The following HDGFL2 variants were observed in gnomAD, a reference collection of about 807,000 sequenced individuals.
HDGFL2 encodes HDGF like 2.
HDGFL2 carries 36 observed loss-of-function variants against 77.1 expected under a neutral mutation model. The observed-to-expected ratio is 0.47, with a 90% CI of 0.36 to 0.62. The LOEUF is 0.62. Among genes scored for constraint, HDGFL2 ranks in the 20% least tolerant of loss-of-function variants. The pLI is 0.00. For synonymous variants in HDGFL2, 463 were observed against 413.1 expected, an observed-to-expected ratio of 1.12 and a Z score of -1.46; for missense variants, 976 against 973.4, an observed-to-expected ratio of 1.00 and a Z score of -0.04.
At chr19:4,482,215 T>C (rs28571743) in intron 3 of HDGFL2, among the ~76,000 whole-genome samples, 11,651 of 149,744 alleles carry the variant, frequency 0.078, 492 homozygotes, top group African/African-American at 0.12. Context: ...TTTCTTTCTT[T>C]CTTTTTTTTT....
At chr19:4,483,488 A>G (rs12984070) in intron 3 of HDGFL2, among the ~76,000 whole-genome samples, 37,654 of 152,030 alleles carry the variant, frequency 0.25, 5,983 homozygotes, top group Non-Finnish European at 0.35. Flanking sequence ...CCATGCTTCC[A>G]TTCTGTCCGG....
intron 6 of HDGFL2, among the ~76,000 whole-genome samples, chr19:4,493,090 C>CTGTGTGTGTGG (rs143683103): frequency 1.6e-5 from 2 of 124,986 alleles, no homozygotes; most frequent in East Asian, 4.8e-4. Context: ...TGTGTGTTAT[C>CTGTGTGTGTGG]TGTGTGGTGT....
chr19:4,472,335 G>C lies in HDGFL2; in HGVS notation c.-16G>C. ...GCTGCAGCCGCTTTCCGCGGCCTGG[G>C]CCTCTCGCCGTCAGCATGCCACACG... On this transcript the variant is annotated 5_prime_UTR_variant, in exon 1 of 16. Transcript: ENST00000616600. 2.6e-6 allele frequency: 4 copies of C among 1,511,556 alleles called. No individual in the cohort carries two copies. In the South Asian group the frequency reaches 5.1e-5, roughly 19 times the overall value. The allele number at this position is 1,511,556 out of a possible 1,614,324, so 93.6% of individuals were successfully genotyped here. A position where few individuals can be genotyped will look rare whatever the true frequency, so the allele number is the denominator to read the frequency against.
At chr19:4,490,718 A>C (rs899313817) in intron 4 of HDGFL2, among the ~76,000 whole-genome samples, 1 of 152,340 alleles carries the variant, frequency 6.6e-6, no homozygotes, top group Non-Finnish European at 1.5e-5. Flanking sequence ...GATAACTTGG[A>C]AAATGCAAAG....
intron 9 of HDGFL2, among the ~76,000 whole-genome samples, chr19:4,495,119 G>T (rs1975666441): frequency 6.6e-6 from 1 of 152,108 alleles, no homozygotes; most frequent in Non-Finnish European, 1.5e-5. Flanking sequence ...TGGGCGCAGT[G>T]GCTCACGCCT....
chr19:4,491,508 C>T (rs569341266), intron 4 of HDGFL2, 58 bp from the exon 5 acceptor site: 42 of 1,500,880 alleles, frequency 2.8e-5, no homozygotes, highest in Non-Finnish European at 3.7e-5. Flanking sequence ...CAGCTGGGGG[C>T]TTCCTGCCAG....
chr19:4,497,862 C>T (rs1271393633), intron 10 of HDGFL2, 96 bp from the exon 11 acceptor site: 11 of 1,123,058 alleles, frequency 9.8e-6, no homozygotes, highest in Non-Finnish European at 1.4e-5. Context: ...CAAAGGTTTC[C>T]TTTGCAGTGG....
intron 3 of HDGFL2, among the ~76,000 whole-genome samples, chr19:4,479,379 C>T (rs754493208): frequency 4.6e-5 from 7 of 150,902 alleles, no homozygotes; most frequent in African/African-American, 1.2e-4. Flanking sequence ...GTCAGGTGAT[C>T]GAGACCATCC....
chr19:4,480,880 T>G (rs1277433218), intron 3 of HDGFL2, among the ~76,000 whole-genome samples: 1 of 151,724 alleles, frequency 6.6e-6, no homozygotes, highest in Admixed American at 6.6e-5. Context: ...TTTTTTAGAC[T>G]GAGTCTCACT....
intron 14 of HDGFL2, 108 bp downstream of exon 14, chr19:4,499,812 A>C: frequency 1.1e-6 from 1 of 915,130 alleles, no homozygotes; most frequent in Non-Finnish European, 1.6e-6. Context: ...TCTGCCCCAA[A>C]CCTGCCAGAG....
chr19:4,494,027 A>G lies in HDGFL2; in HGVS notation c.884A>G (p.Glu295Gly), dbSNP rs760375825. ...CCGCGAGGGCGGAAACCGAAGCCTG[A>G]ACGGCCTCCGTCCAGCTCCAGCAGT... ...PKPRGRKPKP[E>G]RPPSSSSSDS... The change falls in exon 8 of 16, where the codon GAA (glutamate) becomes GGA (glycine). Residue 295 changes from glutamate to glycine, a missense_variant. Around this residue, in one of 5 missense-constraint regions of HDGFL2, gnomAD observed 567 missense variants for 534.7 expected, o/e 1.06. Coordinates refer to ENST00000616600, the MANE Select transcript of HDGFL2 (RefSeq NM_001001520.3). The G allele has an allele frequency of 1.9e-6, 3 of 1,611,268 alleles. No individual in the cohort carries two copies. The highest frequency in any genetic ancestry group is 2.5e-6 in the Non-Finnish European group (3 of 1,179,240).
intron 3 of HDGFL2, among the ~76,000 whole-genome samples, chr19:4,483,835 G>C (rs1599706670): frequency 7.3e-6 from 1 of 137,178 alleles, no homozygotes; most frequent in Middle Eastern, 5.0e-3. Context: ...TGTCTCCTAA[G>C]CTGGAGTGCA....
chr19:4,501,212 G>C lies in HDGFL2; in HGVS notation c.1811G>C (p.Gly604Ala). The change falls in exon 15 of 16, where the codon GGC (glycine) becomes GCC (alanine). Residue 604 changes from glycine to alanine, a missense_variant. Physicochemically the swap from Gly to Ala is moderately conservative, Grantham distance 60. This residue lies in a region of HDGFL2 where 229 missense variants were observed against 187.3 expected (regional missense o/e 1.22). Coordinates refer to ENST00000616600, the MANE Select transcript of HDGFL2 (RefSeq NM_001001520.3). ...CCAGATCTCTCAGCCCCAGTGAATGGCGAGGCCACATCACAGAAGGGGGAG... is the reference window on the plus strand; with the variant it reads ...CCAGATCTCTCAGCCCCAGTGAATGCCGAGGCCACATCACAGAAGGGGGAG... ...PSTDLSAPVN[G>A]EATSQKGESA... is the part of the protein sequence containing the mutation. 6.2e-7 allele frequency: 1 copy of C among 1,613,590 alleles called. No individual in the cohort carries two copies. Among genetic ancestry groups the C allele is most frequent in the Non-Finnish European group, 8.5e-7 (1 of 1,179,960 alleles).
chr19:4,484,032 G>C (rs8106389), intron 3 of HDGFL2, among the ~76,000 whole-genome samples: 1 of 149,762 alleles, frequency 6.7e-6, no homozygotes. Context: ...CTCGTGATCT[G>C]CCTGCCTTGG....
intron 10 of HDGFL2, chr19:4,497,214 C>G (rs906608401): frequency 1.2e-5 from 5 of 431,870 alleles, no homozygotes; most frequent in Admixed American, 2.5e-5. Flanking sequence ...TTTTTTGAGA[C>G]AGAGTCTTGG....
intron 6 of HDGFL2, 69 bp from the exon 7 acceptor site, chr19:4,493,634 C>G (rs374616632): frequency 7.4e-6 from 10 of 1,354,132 alleles, no homozygotes; most frequent in African/African-American, 6.1e-5. Context: ...GGAGCCTCCT[C>G]TGGCCTGGTG....
In HDGFL2 at chr19:4,491,835, G is replaced by C; in HGVS notation, c.678G>C (p.Lys226Asn). ...RRGPLGGRKKKKAPSASDSDS... is the reference protein window; with the variant it reads ...RRGPLGGRKKNKAPSASDSDS... ...GCCCTCTGGGGGGACGGAAAAAAAA[G>C]GTAGCGTGCACTTGACTTTGTTTCC... Residue 226 changes from lysine (K) to asparagine (N), a missense_variant and splice_region_variant, in exon 6 of 16, where the codon AAG becomes AAC. Transcript: ENST00000616600. 1 of 1,613,010 alleles carries C rather than the reference G, an allele frequency of 6.2e-7. No homozygotes were observed. Among genetic ancestry groups the C allele is most frequent in the Non-Finnish European group, 8.5e-7 (1 of 1,179,096 alleles).
intron 13 of HDGFL2, 145 bp from the exon 14 acceptor site, chr19:4,499,346 A>C: frequency 5.1e-6 from 1 of 196,902 alleles, no homozygotes; most frequent in Non-Finnish European, 7.8e-6. Flanking sequence ...ACTCTGTCTC[A>C]AAAAAAAAAA....
chr19:4,497,880 T>G, intron 10 of HDGFL2, 78 bp from the exon 11 acceptor site: 1 of 1,315,346 alleles, frequency 7.6e-7, no homozygotes, highest in Non-Finnish European at 1.1e-6. Flanking sequence ...TGGGTTTGGG[T>G]CCACCCCTTC....
Sources: allele counts gnomAD v4.1 joint callset (sites outside exome capture counted in the v4.1 genomes callset), GRCh38; gene constraint gnomAD v4.1.1; regional missense constraint gnomAD v4.1.1; transcripts MANE v1.5; gene names NCBI Gene and HGNC (gene_info 2026-07-23, HGNC 2026-07-21).